Variants in FREM1 observed in about 807,000 individuals in gnomAD.
The protein encoded by FREM1 is FRAS1-related extracellular matrix protein 1.
FREM1 carries 220 observed loss-of-function variants against 210.1 expected under a neutral mutation model. The observed-to-expected ratio is 1.05, with a 90% CI of 0.94 to 1.17. The LOEUF (loss-of-function observed/expected upper bound fraction) is 1.17. FREM1 is among the 50% of genes most tolerant of loss of function. The pLI, the probability that FREM1 is intolerant of heterozygous loss-of-function variation, is 0.00. For synonymous variants in FREM1, 1,189 were observed against 980.2 expected (o/e 1.21, Z -3.98); for missense variants, 3,454 against 2,675.5 (o/e 1.29, Z -6.42).
chr9:14,789,252 C>G (rs1587984220), intron 22 of FREM1, 138 bp from the exon 23 acceptor site: 2 of 547,192 alleles, frequency 3.7e-6, no homozygotes, highest in East Asian at 6.2e-5. Context: ...CTTTTTGCCA[C>G]TTTACCTGAT....
At chr9:14,871,275 T>G (rs770404283) in intron 1 of FREM1, among the ~76,000 whole-genome samples, 2 of 152,224 alleles carry the variant, frequency 1.3e-5, no homozygotes, top group Non-Finnish European at 2.9e-5. Flanking sequence ...CTACCAACAG[T>G]GTAAAAGTTT....
chr9:14,778,157 C>A lies in FREM1; in HGVS notation c.4443-1954G>T, dbSNP rs565595212. ...CACCTTGAATAAAGGTATTCAGTTA[C>A]CTTTAGAATTATAGATTGAGCAAAA... On this transcript the variant is annotated intron_variant, in intron 24 of 36. Transcript: ENST00000380880. Among the ~76,000 whole-genome samples the A allele has an allele frequency of 8.3e-4, 126 of 152,130 alleles. 1 individual carries two copies. Among genetic ancestry groups the A allele is most frequent in the African/African-American group, 2.8e-3 (118 of 41,492 alleles).
intron 1 of FREM1, among the ~76,000 whole-genome samples, chr9:14,895,006 G>A (rs1444232669): frequency 6.6e-6 from 1 of 152,186 alleles, no homozygotes; most frequent in Non-Finnish European, 1.5e-5. Flanking sequence ...TCTGTACAGG[G>A]TTCCTGACCT....
chr9:14,800,101 T>G (rs1038403252), intron 20 of FREM1, among the ~76,000 whole-genome samples: 4 of 151,846 alleles, frequency 2.6e-5, no homozygotes, highest in African/African-American at 9.7e-5. Flanking sequence ...TTTGCAACAA[T>G]TACAAAAAAA....
At chr9:14,744,295 C>T (rs1842049561) in intron 35 of FREM1, among the ~76,000 whole-genome samples, 1 of 151,964 alleles carries the variant, frequency 6.6e-6, no homozygotes, top group Admixed American at 6.6e-5. Context: ...TTTAAATATT[C>T]AATTTGATGA....
At chr9:14,749,516 C>G (rs979862012) in intron 30 of FREM1, among the ~76,000 whole-genome samples, 9 of 152,214 alleles carry the variant, frequency 5.9e-5, no homozygotes, top group African/African-American at 2.2e-4. Context: ...AGACAAGTAA[C>G]TAAAAGGCAT....
intron 2 of FREM1, among the ~76,000 whole-genome samples, chr9:14,868,245 A>G (rs1467578822): frequency 1.3e-5 from 2 of 152,198 alleles, no homozygotes; most frequent in African/African-American, 4.8e-5. Flanking sequence ...CTGGCAATGG[A>G]TGTGATAACT....
chr9:14,762,194 A>G (rs1845616342), intron 27 of FREM1, among the ~76,000 whole-genome samples: 1 of 151,884 alleles, frequency 6.6e-6, no homozygotes. Context: ...AATGAGAAAG[A>G]AAAAAAAAGT....
At chr9:14,757,544 G>C (rs1354564215) in intron 28 of FREM1, among the ~76,000 whole-genome samples, 1 of 152,062 alleles carries the variant, frequency 6.6e-6, no homozygotes, top group Non-Finnish European at 1.5e-5. Context: ...GATAGAGTGA[G>C]ATTCCATCTC....
intron 1 of FREM1, among the ~76,000 whole-genome samples, chr9:14,878,225 C>T (rs975408166): frequency 2.0e-5 from 3 of 152,098 alleles, no homozygotes; most frequent in Admixed American, 6.6e-5. Context: ...TTTCCCTCTT[C>T]TCTCTCTCAG....
chr9:14,863,254 T>G (rs906590820), intron 3 of FREM1, among the ~76,000 whole-genome samples: 6 of 147,924 alleles, frequency 4.1e-5, no homozygotes, highest in African/African-American at 1.5e-4. Flanking sequence ...GGCAGGAGAA[T>G]AGCTTGAACC....
chr9:14,848,029 A>G (rs1827000865), intron 7 of FREM1, among the ~76,000 whole-genome samples: 1 of 152,244 alleles, frequency 6.6e-6, no homozygotes, highest in South Asian at 2.1e-4. Context: ...CTGCCACCTG[A>G]GGATTTAAAT....
At position 14,770,614 on chromosome 9, in the gene FREM1, T is replaced by C. The variant is rs750357750; in HGVS notation, c.5050A>G (p.Thr1684Ala). 3.1e-6 allele frequency: 5 copies of C among 1,611,608 alleles called. No homozygotes were observed. The highest frequency in any genetic ancestry group is 4.2e-6 in the Non-Finnish European group (5 of 1,178,068). Residue 1684 changes from threonine to alanine, a missense_variant, in exon 26 of 37, where the codon ACA becomes GCA. By Grantham distance (58) the Thr-to-Ala change is moderately conservative. Transcript: ENST00000380880. Reference protein sequence around the residue: ...QGPKHGHLENTTTGEFIHEKF... With the variant: ...QGPKHGHLENATTGEFIHEKF... ...TTAAGGAGGCCAGTACCTGTTGTTGTGTTCTCCAGATGTCCATGTTTTGGG... is the reference window on the plus strand; with the variant it reads ...TTAAGGAGGCCAGTACCTGTTGTTGCGTTCTCCAGATGTCCATGTTTTGGG...
At chr9:14,738,957 C>A (rs1388211276) in intron 36 of FREM1, among the ~76,000 whole-genome samples, 1 of 131,308 alleles carries the variant, frequency 7.6e-6, no homozygotes, top group Non-Finnish European at 1.5e-5. Context: ...TTGCAGTGAG[C>A]CAAGATTGCA....
At chr9:14,805,562 T>G (rs1246000809) in intron 18 of FREM1, among the ~76,000 whole-genome samples, 1 of 152,190 alleles carries the variant, frequency 6.6e-6, no homozygotes, top group Non-Finnish European at 1.5e-5. Context: ...ATCAATCATC[T>G]GCCTACTTGA....
Position 14,805,174 on chromosome 9 carries a change from C to G in FREM1, c.3275-22G>C, listed in dbSNP as rs199806558. On this transcript the variant is annotated intron_variant, in intron 18 of 36. Coordinates refer to ENST00000380880, the MANE Select transcript of FREM1 (RefSeq NM_001379081.2). ...GAATCTAGAGCACACCAAGATGGAA[C>G]AGATAAATAAAAAAAAAATTTTTCC... 1.8e-5 allele frequency: 26 copies of G among 1,425,960 alleles called. No homozygotes were observed. The East Asian group carries it at 5.9e-4, about 32-fold the overall frequency. 88.3% of individuals were successfully genotyped at this position (1,425,960 alleles called of 1,614,324 possible). A position where few individuals can be genotyped will look rare whatever the true frequency, so the allele number is the denominator to read the frequency against.
chr9:14,902,348 T>C (rs1187675334), intron 1 of FREM1, among the ~76,000 whole-genome samples: 1 of 152,128 alleles, frequency 6.6e-6, no homozygotes, highest in African/African-American at 2.4e-5. Flanking sequence ...TTGATATCAT[T>C]TGCCATTCTT....
intron 3 of FREM1, among the ~76,000 whole-genome samples, chr9:14,861,346 T>TAC (rs1262242308): frequency 4.6e-5 from 6 of 131,210 alleles, no homozygotes; most frequent in African/African-American, 2.0e-4. Context: ...TACACATATA[T>TAC]ATACATATAT....
chr9:14,742,032 G>A (rs374238928), intron 35 of FREM1, among the ~76,000 whole-genome samples: 6 of 151,994 alleles, frequency 3.9e-5, no homozygotes, highest in African/African-American at 7.2e-5. Context: ...ATAGTTATTC[G>A]CAAAAGAAAC....
Sources: allele counts gnomAD v4.1 joint callset (sites outside exome capture counted in the v4.1 genomes callset), GRCh38; gene constraint gnomAD v4.1.1; transcripts MANE v1.5; gene names NCBI Gene and HGNC (gene_info 2026-07-23, HGNC 2026-07-21).